SDK1: variants seen among roughly 807,000 people sequenced by gnomAD.
SDK1 encodes protein sidekick-1.
SDK1 carries 157 observed loss-of-function variants against 245.5 expected under a neutral mutation model. The observed-to-expected ratio is 0.64, with a 90% CI of 0.56 to 0.73. The LOEUF is 0.73. Ranked by LOEUF, SDK1 falls within the 30% of genes least tolerant of loss-of-function variation. SDK1 has a pLI of 0.00. For synonymous variants in SDK1, 1,647 were observed against 1,278.5 expected, an observed-to-expected ratio of 1.29 and a Z score of -6.15; for missense variants, 3,583 against 3,002.3, an observed-to-expected ratio of 1.19 and a Z score of -4.52.
At chr7:3,968,393 ATCGGGCTGAC>A (rs1170542430) in intron 10 of SDK1, among the ~76,000 whole-genome samples, 3 of 152,182 alleles carry the variant, frequency 2.0e-5, no homozygotes, top group Non-Finnish European at 4.4e-5. Flanking sequence ...GCTGGGCTGT[ATCGGGCTGAC>A]ATGCCAAAAG....
intron 1 of SDK1, among the ~76,000 whole-genome samples, chr7:3,565,512 T>C (rs552873659): frequency 3.9e-5 from 6 of 152,222 alleles, no homozygotes; most frequent in South Asian, 2.1e-4. Flanking sequence ...TCATTACTTA[T>C]AGAAAGTATG....
chr7:3,435,451 C>G (rs183703755), intron 1 of SDK1, among the ~76,000 whole-genome samples: 1 of 150,326 alleles, frequency 6.7e-6, no homozygotes, highest in East Asian at 2.0e-4. Context: ...CTGCCTCAGG[C>G]TCCTGAGTAG....
intron 32 of SDK1, among the ~76,000 whole-genome samples, chr7:4,163,391 T>A (rs1268113279): frequency 6.6e-6 from 1 of 152,134 alleles, no homozygotes; most frequent in Non-Finnish European, 1.5e-5. Context: ...GGTCTAGACA[T>A]GGCCTTGGAG....
At chr7:3,755,690 A>T (rs1779902699) in intron 4 of SDK1, among the ~76,000 whole-genome samples, 1 of 152,016 alleles carries the variant, frequency 6.6e-6, no homozygotes, top group African/African-American at 2.4e-5. Context: ...CCCTCACCCC[A>T]AACAAACGCT....
At chr7:4,103,821 G>C (rs1197687026) in intron 22 of SDK1, among the ~76,000 whole-genome samples, 2 of 152,234 alleles carry the variant, frequency 1.3e-5, no homozygotes, top group South Asian at 4.1e-4. Context: ...CGTGGGGGTG[G>C]TGCGCTCCAG....
At chr7:3,706,409 C>A (rs1023973377) in intron 4 of SDK1, among the ~76,000 whole-genome samples, 1 of 151,960 alleles carries the variant, frequency 6.6e-6, no homozygotes, top group Non-Finnish European at 1.5e-5. Flanking sequence ...TTTTTGTTGG[C>A]ATTTTTCTTT....
At chr7:3,355,667 A>G (rs1780772967) in intron 1 of SDK1, among the ~76,000 whole-genome samples, 1 of 152,192 alleles carries the variant, frequency 6.6e-6, no homozygotes. Flanking sequence ...CTTTCCACCG[A>G]CAAATCTATT....
intron 39 of SDK1, among the ~76,000 whole-genome samples, chr7:4,220,742 C>T (rs1435936633): frequency 6.6e-6 from 1 of 151,986 alleles, no homozygotes; most frequent in Non-Finnish European, 1.5e-5. Context: ...CTGCACCTGC[C>T]AGCTCTTTCA....
At chr7:3,552,331 G>T (rs941520103) in intron 1 of SDK1, among the ~76,000 whole-genome samples, 1 of 152,126 alleles carries the variant, frequency 6.6e-6, no homozygotes, top group Admixed American at 6.5e-5. Context: ...GTGAGCCACC[G>T]CGCCCAGCTG....
chr7:3,793,209 G>T (rs186100618), intron 4 of SDK1, among the ~76,000 whole-genome samples: 3 of 152,052 alleles, frequency 2.0e-5, no homozygotes, highest in Non-Finnish European at 4.4e-5. Context: ...TTCCGTAAAA[G>T]ACATTACATT....
intron 1 of SDK1, among the ~76,000 whole-genome samples, chr7:3,342,158 A>T (rs1334395472): frequency 6.6e-6 from 1 of 152,224 alleles, no homozygotes; most frequent in Non-Finnish European, 1.5e-5. Context: ...TATTCTTCTC[A>T]ACAAATGGTG....
chr7:3,400,212 G>A (rs1049535025), intron 1 of SDK1, among the ~76,000 whole-genome samples: 10 of 152,146 alleles, frequency 6.6e-5, no homozygotes, highest in Admixed American at 3.3e-4. Flanking sequence ...GAGGGATGGA[G>A]TAGACCAAGT....
chr7:3,690,184 C>T lies in SDK1; in HGVS notation c.713+48079C>T, dbSNP rs1053352726. Among the ~76,000 whole-genome samples, 6 of 152,106 alleles carry T rather than the reference C, an allele frequency of 3.9e-5. No homozygotes were observed. In the East Asian group the frequency reaches 7.7e-4, roughly 20 times the overall value. ...TAGCCCAGTGACTCTAGATGCAGGG[C>T]GTCACCTACCTCATCACGACGCTAA... On this transcript the variant is annotated intron_variant, in intron 4 of 44. Transcript: ENST00000404826.
intron 4 of SDK1, among the ~76,000 whole-genome samples, chr7:3,656,377 C>T (rs1301961250): frequency 6.6e-6 from 1 of 152,152 alleles, no homozygotes; most frequent in Non-Finnish European, 1.5e-5. Context: ...AGTGTCAGTG[C>T]TACTCTCCCC....
intron 1 of SDK1, among the ~76,000 whole-genome samples, chr7:3,505,113 TCAGA>T (rs1264621789): frequency 6.6e-6 from 1 of 152,258 alleles, no homozygotes; most frequent in East Asian, 1.9e-4. Flanking sequence ...ACATACTTCG[TCAGA>T]ATAAAGTAGG....
intron 21 of SDK1, among the ~76,000 whole-genome samples, chr7:4,077,684 AAGAG>A (rs1780784172): frequency 6.6e-6 from 1 of 152,170 alleles, no homozygotes; most frequent in South Asian, 2.1e-4. Context: ...GCAGCAGGCA[AAGAG>A]AGAGCCCGTG....
At chr7:3,387,594 T>G (rs1453527217) in intron 1 of SDK1, among the ~76,000 whole-genome samples, 1 of 152,178 alleles carries the variant, frequency 6.6e-6, no homozygotes, top group Non-Finnish European at 1.5e-5. Flanking sequence ...TAATTCCCAT[T>G]GCATTTTTGT....
intron 1 of SDK1, among the ~76,000 whole-genome samples, chr7:3,515,701 TG>T (rs1782723954): frequency 6.6e-6 from 1 of 152,214 alleles, no homozygotes; most frequent in South Asian, 2.1e-4. Flanking sequence ...CAAAGAGAAA[TG>T]TTGATGTAAA....
chr7:3,914,274 T>C (rs909404514), intron 5 of SDK1, among the ~76,000 whole-genome samples: 2 of 152,230 alleles, frequency 1.3e-5, no homozygotes, highest in South Asian at 4.1e-4. Context: ...TCCTACGTTA[T>C]TGTGTCTTAC....
Sources: gnomAD v4.1 joint callset for allele counts (sites outside exome capture counted in the v4.1 genomes callset) on GRCh38, gnomAD v4.1.1 for gene constraint, MANE v1.5 for transcripts, NCBI Gene and HGNC (gene_info 2026-07-23, HGNC 2026-07-21) for gene names.